SPTB: variants seen among roughly 807,000 people sequenced by gnomAD.
SPTB encodes spectrin beta chain, erythrocytic.
A neutral mutation model predicts 256.2 loss-of-function variants in SPTB; 45 were observed. The observed-to-expected ratio is 0.18, with a 90% CI of 0.14 to 0.23. The LOEUF is 0.23. Among genes scored for constraint, SPTB ranks in the 10% least tolerant of loss-of-function variants. The probability of loss-of-function intolerance (pLI) is 1.00; values close to 1 mark genes in which losing one functional copy is unlikely to be tolerated. For synonymous variants in SPTB, 1,231 were observed against 1,243.1 expected, an observed-to-expected ratio of 0.99 and a Z score of 0.21; for missense variants, 2,715 against 3,040.4, an observed-to-expected ratio of 0.89 and a Z score of 2.52.
At chr14:64,765,811 TGTGTGTGTGA>T (rs1204359086) in intron 32 of SPTB, among the ~76,000 whole-genome samples, 5 of 142,628 alleles carry the variant, frequency 3.5e-5, no homozygotes. Context: ...TTGGGGTGTG[TGTGTGTGTGA>T]GTGTGTGTGT....
At chr14:64,783,296 C>T (rs1441859717) in intron 19 of SPTB, among the ~76,000 whole-genome samples, 2 of 152,122 alleles carry the variant, frequency 1.3e-5, no homozygotes, top group Non-Finnish European at 2.9e-5. Flanking sequence ...CTCCGCCCCC[C>T]AGTTTAAGCC....
intron 20 of SPTB, 139 bp from the exon 21 acceptor site, chr14:64,780,070 C>G (rs2082439448): frequency 1.3e-6 from 1 of 762,504 alleles, no homozygotes; most frequent in African/African-American, 1.7e-5. Flanking sequence ...CTTGGATGCT[C>G]CCAGTCATCT....
chr14:64,766,595 G>A, intron 32 of SPTB, 131 bp downstream of exon 32: 1 of 1,603,674 alleles, frequency 6.2e-7, no homozygotes, highest in Non-Finnish European at 8.5e-7. Context: ...GTGGCTGCAG[G>A]GATGTGGGGA....
At chr14:64,812,210 A>G (rs2083102278) in intron 2 of SPTB, among the ~76,000 whole-genome samples, 1 of 152,232 alleles carries the variant, frequency 6.6e-6, no homozygotes, top group Non-Finnish European at 1.5e-5. Flanking sequence ...CGGCCTCCCA[A>G]GGTGCTGGGA....
At chr14:64,860,326 C>A (rs527263351) in intron 1 of SPTB, among the ~76,000 whole-genome samples, 1 of 152,328 alleles carries the variant, frequency 6.6e-6, no homozygotes, top group South Asian at 2.1e-4. Context: ...GTCATATATT[C>A]TTTCCCTGCT....
At chr14:64,861,112 C>A (rs2083960319) in intron 1 of SPTB, among the ~76,000 whole-genome samples, 1 of 152,150 alleles carries the variant, frequency 6.6e-6, no homozygotes, top group African/African-American at 2.4e-5. Flanking sequence ...AAAAACCAAA[C>A]ACCGCATGTT....
At chr14:64,766,629 G>A (rs758935701) in intron 32 of SPTB, 97 bp downstream of exon 32, 2 of 1,611,378 alleles carry the variant, frequency 1.2e-6, no homozygotes, top group Non-Finnish European at 8.5e-7. Flanking sequence ...GGCTGCGCCA[G>A]CTCATCTCGC....
intron 1 of SPTB, among the ~76,000 whole-genome samples, chr14:64,876,341 A>C (rs746204870): frequency 2.6e-5 from 4 of 152,148 alleles, no homozygotes; most frequent in Non-Finnish European, 4.4e-5. Flanking sequence ...AGGTTTGGCC[A>C]GGCTGGTCTC....
rs1594808436 is a variant in SPTB at position 64,816,787 on chromosome 14, C to T, written c.148+6160G>A. Among the ~76,000 whole-genome samples, 3 of 152,144 alleles carry T rather than the reference C, an allele frequency of 2.0e-5. No individual in the cohort carries two copies. In the South Asian group the frequency reaches 6.2e-4, roughly 31 times the overall value. On this transcript the variant is annotated intron_variant, in intron 2 of 35. Coordinates refer to ENST00000644917, the MANE Select transcript of SPTB (RefSeq NM_001355436.2). This position sits in a 1 kb window ranked among gnomAD's most constrained non-coding sequence, Gnocchi z 4.2. ...AAAATTGCTACAGATGCTCTGAAAACACCACCCTTGGCACCTCCTCAGCCA... is the reference window on the plus strand; with the variant it reads ...AAAATTGCTACAGATGCTCTGAAAATACCACCCTTGGCACCTCCTCAGCCA...
chr14:64,839,947 T>C (rs2083580966), intron 1 of SPTB, among the ~76,000 whole-genome samples: 1 of 152,204 alleles, frequency 6.6e-6, no homozygotes, highest in South Asian at 2.1e-4. Context: ...CTGAGTTGGG[T>C]GCTGATAAAA....
chr14:64,773,079 C>T, intron 25 of SPTB, 125 bp from the exon 26 acceptor site: 1 of 1,551,330 alleles, frequency 6.4e-7, no homozygotes, highest in Non-Finnish European at 8.7e-7. Flanking sequence ...ACACCTTCCC[C>T]AGGGCAGGCC....
chr14:64,791,046 C>T lies in SPTB; in HGVS notation c.2804+673G>A, dbSNP rs138996751. On this transcript the variant is annotated intron_variant, in intron 15 of 35. Transcript: ENST00000644917. ...CTCTCAGAAAGCAATTTTCTCTGCCCAAGAATGTCCAGGGAAATATAGCAT... is the reference window on the plus strand; with the variant it reads ...CTCTCAGAAAGCAATTTTCTCTGCCTAAGAATGTCCAGGGAAATATAGCAT... Among the ~76,000 whole-genome samples, 906 of 152,262 alleles carry T rather than the reference C, an allele frequency of 6.0e-3. 11 individuals are homozygous for T. The highest frequency in any genetic ancestry group is 0.021 in the African/African-American group (865 of 41,550).
At position 64,794,587 on chromosome 14, in the gene SPTB, G is replaced by T; in HGVS notation, c.1675C>A (p.His559Asn). Residue 559 changes from histidine (H) to asparagine (N), a missense_variant, in exon 13 of 36, where the codon CAC (histidine) becomes AAC (asparagine). His to Asn is a moderately conservative substitution (Grantham distance 68). Around this residue, in one of 4 missense-constraint regions of SPTB, gnomAD observed 2,239 missense variants for 2,384.4 expected, o/e 0.94. Coordinates refer to ENST00000644917, the MANE Select transcript of SPTB (RefSeq NM_001355436.2). ...AHLLSAEFGK[H>N]LLEVEDLLQK... ...AGCAGGTCTTCAACCTCCAACAAGT[G>T]CTTCCCAAACTCGGCAGACAAGAGG... 1 of 1,614,210 alleles carries T rather than the reference G, an allele frequency of 6.2e-7. No homozygotes were observed. Among genetic ancestry groups the T allele is most frequent in the South Asian group, 1.1e-5 (1 of 91,080 alleles).
At position 64,772,948 on chromosome 14, in the gene SPTB, G is replaced by C. The variant is rs753928257; in HGVS notation, c.5185C>G (p.Arg1729Gly). 42 of 1,599,646 alleles carry C rather than the reference G, an allele frequency of 2.6e-5. No homozygotes were observed. The highest frequency in any genetic ancestry group is 3.2e-5 in the Non-Finnish European group (38 of 1,173,194). ...CGGGCAAAGTCCCGGAACTTGTCCCGCAGAAGCTAGGCATGGGGCAGACAG... is the reference window on the plus strand; with the variant it reads ...CGGGCAAAGTCCCGGAACTTGTCCCCCAGAAGCTAGGCATGGGGCAGACAG... ...GQDFDHVTLLRDKFRDFARET... is the reference protein window; with the variant it reads ...GQDFDHVTLLGDKFRDFARET... Residue 1729 changes from arginine (R) to glycine (G), a missense_variant, in exon 26 of 36, where the codon CGG becomes GGG. Coordinates refer to ENST00000644917, the MANE Select transcript of SPTB (RefSeq NM_001355436.2). This position sits in a 1 kb window ranked among gnomAD's most constrained non-coding sequence, Gnocchi z 5.4.
chr14:64,826,300 G>A lies in SPTB; in HGVS notation c.-51-3155C>T, dbSNP rs553478243. ...AAACCAGATTTAACCCATTCTCGGC[G>A]TCACCATGTCTCTTTCCATACTGTT... On this transcript the variant is annotated intron_variant, in intron 1 of 35. Coordinates refer to ENST00000644917, the MANE Select transcript of SPTB (RefSeq NM_001355436.2). This position sits in a 1 kb window ranked among gnomAD's most constrained non-coding sequence, Gnocchi z 4.4. Among the ~76,000 whole-genome samples the A allele has an allele frequency of 9.7e-4, 147 of 152,314 alleles. No individual in the cohort carries two copies. The highest frequency in any genetic ancestry group is 3.2e-3 in the African/African-American group (133 of 41,566).
chr14:64,837,743 G>A (rs2083547063), intron 1 of SPTB, among the ~76,000 whole-genome samples: 1 of 152,086 alleles, frequency 6.6e-6, no homozygotes, highest in South Asian at 2.1e-4. Flanking sequence ...CAGAATTACA[G>A]GTGTCTGTCA....
chr14:64,775,071 C>T lies in SPTB; in HGVS notation c.4842+54G>A, dbSNP rs2139513553. ...AAGGCTCCCTACCGACAGCCAACCT[C>T]AACTCTTCCTCTCTGCCTGGGCACC... On this transcript the variant is annotated intron_variant, in intron 23 of 35. Transcript: ENST00000644917. This position sits in a 1 kb window ranked among gnomAD's most constrained non-coding sequence, Gnocchi z 5.0. 3 of 1,613,162 alleles carry T rather than the reference C, an allele frequency of 1.9e-6. No homozygotes were observed. The highest frequency in any genetic ancestry group is 2.5e-6 in the Non-Finnish European group (3 of 1,179,840).
At chr14:64,834,181 C>A (rs2083488052) in intron 1 of SPTB, among the ~76,000 whole-genome samples, 1 of 151,940 alleles carries the variant, frequency 6.6e-6, no homozygotes, top group Non-Finnish European at 1.5e-5. Context: ...TGGATGCCAC[C>A]ATTCCTGGCT....
At chr14:64,766,396 G>A (rs1398772439) in intron 32 of SPTB, 3 of 1,352,892 alleles carry the variant, frequency 2.2e-6, no homozygotes, top group South Asian at 1.6e-5. Context: ...AATCATCTCT[G>A]GCTAGTGTTT....
Sources: gnomAD v4.1 joint callset for allele counts (sites outside exome capture counted in the v4.1 genomes callset) on GRCh38, gnomAD v4.1.1 for gene constraint, gnomAD v4.1.1 regional missense constraint, Gnocchi (gnomAD v3.1) non-coding constraint, MANE v1.5 for transcripts, NCBI Gene and HGNC (gene_info 2026-07-23, HGNC 2026-07-21) for gene names.